Variants in MICU1 observed in about 807,000 individuals in gnomAD.
MICU1 encodes mitochondrial calcium uptake 1.
Under a neutral mutation model 56.8 loss-of-function variants are expected in MICU1, and 45 were observed. That is an observed-to-expected ratio of 0.79 (90% CI 0.62 to 1.02). MICU1 has a LOEUF of 1.02. Among genes scored for constraint, MICU1 ranks in the 50% least tolerant of loss-of-function variants. The pLI is 0.00. For synonymous variants in MICU1, 186 were observed against 195.1 expected, an observed-to-expected ratio of 0.95 and a Z score of 0.39; for missense variants, 504 against 587.1, an observed-to-expected ratio of 0.86 and a Z score of 1.46.
intron 1 of MICU1, among the ~76,000 whole-genome samples, chr10:72,586,141 G>C (rs1841053560): frequency 6.8e-6 from 1 of 147,668 alleles, no homozygotes; most frequent in African/African-American, 2.5e-5. Flanking sequence ...CAGCCTCCAA[G>C]TAGCTTGGAC....
At chr10:72,379,336 G>A (rs1224288650) in intron 10 of MICU1, 23 of 168,382 alleles carry the variant, frequency 1.4e-4, no homozygotes, top group Non-Finnish European at 1.4e-4. Context: ...CTTAAACTGT[G>A]ATTGCCTACA....
chr10:72,482,890 C>T (rs931223432), intron 6 of MICU1, among the ~76,000 whole-genome samples: 9 of 151,294 alleles, frequency 5.9e-5, no homozygotes, highest in African/African-American at 2.2e-4. Flanking sequence ...GAGTCTTGCT[C>T]TGTCGCCCAG....
At chr10:72,448,193 ATTTTTTTTTT>A (rs71018289) in intron 8 of MICU1, among the ~76,000 whole-genome samples, 3 of 36,816 alleles carry the variant, frequency 8.1e-5, no homozygotes, top group Admixed American at 5.4e-4. Context: ...ATATATATAT[ATTTTTTTTTT>A]TTTTTTTTTT....
chr10:72,477,382 G>A lies in MICU1; in HGVS notation c.653-126C>T, dbSNP rs1056649009. ...TCACCATAAAAGTGACTGAGTCAAA[G>A]TCTCAATAAATGGAAAATGAAACTG... On this transcript the variant is annotated intron_variant, in intron 6 of 11. Transcript: ENST00000361114. The A allele has an allele frequency of 2.6e-6, 3 of 1,176,434 alleles. No individual in the cohort carries two copies. In the African/African-American group the frequency reaches 4.7e-5, roughly 18 times the overall value. 72.9% of individuals were successfully genotyped at this position (1,176,434 alleles called of 1,614,324 possible).
At chr10:72,551,151 A>G in intron 4 of MICU1, 28 bp downstream of exon 4, 1 of 1,567,168 alleles carries the variant, frequency 6.4e-7, no homozygotes, top group East Asian at 2.3e-5. Context: ...TAAATATCAC[A>G]GTCTTATATT....
chr10:72,562,147 C>CTTTT (rs533702573), intron 3 of MICU1, among the ~76,000 whole-genome samples: 842 of 82,638 alleles, frequency 0.01, 107 homozygotes, highest in South Asian at 0.017. Flanking sequence ...TACATAAAAT[C>CTTTT]TTTTTTTTTT....
intron 10 of MICU1, among the ~76,000 whole-genome samples, chr10:72,380,923 G>C (rs1182159158): frequency 1.3e-5 from 2 of 152,252 alleles, no homozygotes; most frequent in Non-Finnish European, 2.9e-5. Context: ...TGAGGCACCA[G>C]CATTAATTAT....
intron 1 of MICU1, among the ~76,000 whole-genome samples, chr10:72,586,900 A>T (rs1841077686): frequency 6.6e-6 from 1 of 152,184 alleles, no homozygotes; most frequent in Admixed American, 6.5e-5. Context: ...CAATGCAAAA[A>T]CCATAAGGGG....
chr10:72,441,431 G>A (rs1864924348), intron 8 of MICU1, among the ~76,000 whole-genome samples: 1 of 151,296 alleles, frequency 6.6e-6, no homozygotes, highest in East Asian at 1.9e-4. Context: ...GGAAGGGTTA[G>A]CATTAGGAGA....
chr10:72,622,356 C>A (rs1249984661), intron 1 of MICU1, among the ~76,000 whole-genome samples: 2 of 152,128 alleles, frequency 1.3e-5, no homozygotes, highest in Non-Finnish European at 2.9e-5. Context: ...GGAACTGTCA[C>A]CCACCCTTAA....
chr10:72,519,499 C>G (rs1280720614), intron 5 of MICU1, among the ~76,000 whole-genome samples: 2 of 152,198 alleles, frequency 1.3e-5, no homozygotes, highest in African/African-American at 4.8e-5. Flanking sequence ...GTAACTGTTA[C>G]ACTTCACAGT....
rs367632893 is a variant in MICU1 at position 72,432,621 on chromosome 10, T to C, written c.934-9250A>G. 1.2e-3 allele frequency among the ~76,000 whole-genome samples: 185 copies of C among 152,302 alleles called. 3 individuals carry two copies. In the South Asian group the frequency reaches 0.038, roughly 31 times the overall value. Reference sequence around the variant, plus strand: ...GAAGTTGAAGTGGGAGCAGGCATATTACATGGCAAGAGTAAAGAGGAAAAG... The same window carrying C: ...GAAGTTGAAGTGGGAGCAGGCATATCACATGGCAAGAGTAAAGAGGAAAAG... On this transcript the variant is annotated intron_variant, in intron 8 of 11. Transcript: ENST00000361114.
intron 6 of MICU1, among the ~76,000 whole-genome samples, chr10:72,497,712 G>A (rs1223299318): frequency 6.6e-6 from 1 of 152,160 alleles, no homozygotes; most frequent in East Asian, 1.9e-4. Context: ...TCCACAGTTT[G>A]CTCTAGGGTA....
At chr10:72,460,094 T>C (rs915649639) in intron 8 of MICU1, among the ~76,000 whole-genome samples, 1 of 152,250 alleles carries the variant, frequency 6.6e-6, no homozygotes, top group Non-Finnish European at 1.5e-5. Flanking sequence ...AATCTGATTA[T>C]GCCACTTCTC....
At chr10:72,563,565 G>T (rs894551536) in intron 2 of MICU1, among the ~76,000 whole-genome samples, 5 of 152,170 alleles carry the variant, frequency 3.3e-5, no homozygotes, top group Admixed American at 1.3e-4. Context: ...GGTTACCAGG[G>T]GCTGAGGGAA....
chr10:72,571,577 CG>C, intron 1 of MICU1, among the ~76,000 whole-genome samples: 1 of 151,986 alleles, frequency 6.6e-6, no homozygotes, highest in Admixed American at 6.6e-5. Flanking sequence ...ATGGTAAAAA[CG>C]GGTTAAAGCA....
Position 72,619,461 on chromosome 10 carries a change from A to AAATG in MICU1, c.-2+6548_-2+6549insCATT, listed in dbSNP as rs1454759187. 2.6e-5 allele frequency among the ~76,000 whole-genome samples: 4 copies of AAATG among 152,088 alleles called. No homozygotes were observed. The East Asian group carries it at 7.7e-4, about 29-fold the overall frequency. ...CTCCGTCTCAAAAAACTAAATAAAT[A>AAATG]AATAAAACAGATAAAATATCTTATT... On this transcript the variant is annotated intron_variant, in intron 1 of 11. Transcript: ENST00000361114.
At chr10:72,515,708 T>C (rs1295511203) in intron 5 of MICU1, among the ~76,000 whole-genome samples, 1 of 152,184 alleles carries the variant, frequency 6.6e-6, no homozygotes, top group Non-Finnish European at 1.5e-5. Flanking sequence ...CATATCTATG[T>C]CATCTAGAGT....
At chr10:72,400,089 CA>C (rs1863402103) in intron 10 of MICU1, among the ~76,000 whole-genome samples, 1 of 152,056 alleles carries the variant, frequency 6.6e-6, no homozygotes. Flanking sequence ...AAACAAACCC[CA>C]AACATACATC....
Sources: gnomAD v4.1 joint callset for allele counts (sites outside exome capture counted in the v4.1 genomes callset) on GRCh38, gnomAD v4.1.1 for gene constraint, MANE v1.5 for transcripts, NCBI Gene and HGNC (gene_info 2026-07-23, HGNC 2026-07-21) for gene names.